The following PARD3 variants were observed in gnomAD, a reference collection of about 807,000 sequenced individuals.
The protein encoded by PARD3 is par-3 family cell polarity regulator.
In PARD3, 75 loss-of-function variants were observed where a neutral mutation model predicts 155.4. The ratio of observed to expected loss-of-function variants is 0.48; its 90% confidence interval spans 0.40 to 0.58. PARD3 has a LOEUF of 0.58. PARD3 is among the 20% of genes least tolerant of loss of function. The pLI, the probability that PARD3 is intolerant of heterozygous loss-of-function variation, is 0.00. For synonymous variants in PARD3, 576 were observed against 610.5 expected (o/e 0.94, Z 0.83); for missense variants, 1,642 against 1,721.7 (o/e 0.95, Z 0.82).
At chr10:34,771,698 G>A (rs1838888031) in intron 1 of PARD3, among the ~76,000 whole-genome samples, 1 of 152,304 alleles carries the variant, frequency 6.6e-6, no homozygotes, top group South Asian at 2.1e-4. Context: ...ATCTTATGAA[G>A]CAAGAGGTGC....
intron 1 of PARD3, among the ~76,000 whole-genome samples, chr10:34,798,754 A>G (rs912536762): frequency 7.9e-5 from 12 of 152,022 alleles, no homozygotes; most frequent in African/African-American, 1.7e-4. Context: ...ACTGTCACAC[A>G]AGTGACCAGC....
rs191591987 is a variant in PARD3, at chr10:34,804,109, A to G, written c.120+10767T>C. On this transcript the variant is annotated intron_variant, in intron 1 of 24. Transcript: ENST00000374788. ...AGTGCAGTGGCACGATCTCAGCTCA[A>G]TGCAACCTCTGCCTCCCGGGTTCAA... Among the ~76,000 whole-genome samples, 247 of 151,728 alleles carry G rather than the reference A, an allele frequency of 1.6e-3. 2 individuals are homozygous for G. The highest frequency in any genetic ancestry group is 0.014 in the Admixed American group (210 of 15,218).
chr10:34,337,645 T>C (rs1589225889), intron 16 of PARD3, among the ~76,000 whole-genome samples: 2 of 152,126 alleles, frequency 1.3e-5, no homozygotes, highest in East Asian at 3.8e-4. Flanking sequence ...AGAGTAACTC[T>C]TTCTCCATGT....
At chr10:34,803,069 T>TTAA in intron 1 of PARD3, among the ~76,000 whole-genome samples, 1 of 59,590 alleles carries the variant, frequency 1.7e-5, no homozygotes. Flanking sequence ...CTACTAAAAA[T>TTAA]GAAAAAAAAA....
At chr10:34,191,923 G>A (rs1311121487) in intron 22 of PARD3, among the ~76,000 whole-genome samples, 1 of 152,146 alleles carries the variant, frequency 6.6e-6, no homozygotes, top group Non-Finnish European at 1.5e-5. Flanking sequence ...AGCAAATAGA[G>A]ACTATAGGCT....
intron 7 of PARD3, among the ~76,000 whole-genome samples, chr10:34,394,143 A>T (rs1446948205): frequency 2.0e-5 from 3 of 151,860 alleles, no homozygotes; most frequent in Non-Finnish European, 4.4e-5. Flanking sequence ...CCTATGCCTC[A>T]GCCTCCAGAG....
chr10:34,260,599 A>T (rs1206223012), intron 22 of PARD3, among the ~76,000 whole-genome samples: 1 of 152,192 alleles, frequency 6.6e-6, no homozygotes, highest in Non-Finnish European at 1.5e-5. Flanking sequence ...GGCCAGAGAT[A>T]TTAGTAGACA....
intron 1 of PARD3, among the ~76,000 whole-genome samples, chr10:34,750,593 G>C (rs1835901868): frequency 6.6e-6 from 1 of 151,860 alleles, no homozygotes. Context: ...GAGGAGTTAG[G>C]GGCAGGGAGC....
At chr10:34,368,747 A>G (rs183295565) in intron 12 of PARD3, among the ~76,000 whole-genome samples, 23 of 151,760 alleles carry the variant, frequency 1.5e-4, no homozygotes, top group African/African-American at 4.3e-4. Flanking sequence ...CTGGGCTGGG[A>G]AAGGACAGAA....
At chr10:34,350,664 T>C (rs1837974911) in intron 14 of PARD3, among the ~76,000 whole-genome samples, 1 of 151,652 alleles carries the variant, frequency 6.6e-6, no homozygotes, top group African/African-American at 2.4e-5. Context: ...AGAATTAAGC[T>C]TCATTAGAAG....
At chr10:34,233,005 C>T (rs528625625) in intron 22 of PARD3, among the ~76,000 whole-genome samples, 3 of 141,408 alleles carry the variant, frequency 2.1e-5, no homozygotes, top group South Asian at 4.4e-4. Flanking sequence ...CCCGGCCCAT[C>T]CTCAAATGTT....
intron 22 of PARD3, among the ~76,000 whole-genome samples, chr10:34,142,680 C>T (rs1037601156): frequency 1.8e-4 from 27 of 151,930 alleles, no homozygotes; most frequent in African/African-American, 6.5e-4. Context: ...GGAAGGCAGG[C>T]AGGCATCATT....
intron 1 of PARD3, among the ~76,000 whole-genome samples, chr10:34,772,435 CAA>C (rs1838997447): frequency 6.6e-6 from 1 of 152,060 alleles, no homozygotes; most frequent in Admixed American, 6.6e-5. Flanking sequence ...TACCAACTGA[CAA>C]TATCAAATGT....
chr10:34,380,268 TAC>T (rs767614152), intron 9 of PARD3, among the ~76,000 whole-genome samples: 28 of 152,138 alleles, frequency 1.8e-4, no homozygotes, highest in Non-Finnish European at 2.8e-4. Context: ...CTTTTTGTCA[TAC>T]ATTCTCACAG....
intron 22 of PARD3, among the ~76,000 whole-genome samples, chr10:34,199,437 G>C (rs1440344663): frequency 1.3e-5 from 2 of 152,096 alleles, no homozygotes; most frequent in Non-Finnish European, 2.9e-5. Context: ...AGGACTAAGG[G>C]GTAATTGCCC....
chr10:34,387,278 T>C (rs1842447205), intron 7 of PARD3, among the ~76,000 whole-genome samples: 1 of 152,228 alleles, frequency 6.6e-6, no homozygotes, highest in Non-Finnish European at 1.5e-5. Flanking sequence ...ACAAAAAATA[T>C]ATATATAAAC....
At chr10:34,671,310 T>G (rs187189855) in intron 2 of PARD3, among the ~76,000 whole-genome samples, 3 of 152,330 alleles carry the variant, frequency 2.0e-5, no homozygotes, top group Non-Finnish European at 4.4e-5. Flanking sequence ...TCGATAGATA[T>G]TCTAACGATA....
At chr10:34,683,619 A>T (rs2093889135) in intron 2 of PARD3, among the ~76,000 whole-genome samples, 1 of 151,304 alleles carries the variant, frequency 6.6e-6, no homozygotes, top group Admixed American at 6.6e-5. Context: ...GATTGGTGTA[A>T]CAGAAAGAGT....
chr10:34,559,076 C>A (rs1214957845), intron 2 of PARD3, among the ~76,000 whole-genome samples: 4 of 151,464 alleles, frequency 2.6e-5, no homozygotes, highest in African/African-American at 7.3e-5. Flanking sequence ...AGGCCTTTTG[C>A]ACTTTCTGGA....
Sources: allele counts gnomAD v4.1 joint callset (sites outside exome capture counted in the v4.1 genomes callset), GRCh38; gene constraint gnomAD v4.1.1; transcripts MANE v1.5; gene names NCBI Gene and HGNC (gene_info 2026-07-23, HGNC 2026-07-21).